Variants in ATP8A2 observed in about 807,000 individuals in gnomAD.
ATP8A2 encodes phospholipid-transporting ATPase IB.
A neutral mutation model predicts 165.6 loss-of-function variants in ATP8A2; 100 were observed. The ratio of observed to expected loss-of-function variants is 0.60; its 90% CI spans 0.51 to 0.71. The LOEUF is 0.71. Among genes scored for constraint, ATP8A2 ranks in the 30% least tolerant of loss-of-function variants. The pLI, the probability that ATP8A2 is intolerant of heterozygous loss-of-function variation, is 0.00. For missense variants in ATP8A2, 1,227 were observed against 1,479.5 expected, an observed-to-expected ratio of 0.83 and a Z score of 2.80; for synonymous variants, 543 against 548.8, an observed-to-expected ratio of 0.99 and a Z score of 0.15.
At chr13:25,545,698 G>A (rs147728858) in intron 10 of ATP8A2, among the ~76,000 whole-genome samples, 326 of 152,120 alleles carry the variant, frequency 2.1e-3, no homozygotes, top group South Asian at 0.012. Flanking sequence ...GTGGTGGCGC[G>A]ATCTTGGCTC....
At chr13:25,756,881 C>T (rs1220678224) in intron 25 of ATP8A2, among the ~76,000 whole-genome samples, 10 of 152,186 alleles carry the variant, frequency 6.6e-5, no homozygotes, top group Admixed American at 6.5e-4. Flanking sequence ...AAATCCTCCT[C>T]ATTGGTCTCT....
At chr13:25,954,283 A>G (rs1955462613) in intron 33 of ATP8A2, among the ~76,000 whole-genome samples, 1 of 152,308 alleles carries the variant, frequency 6.6e-6, no homozygotes, top group Admixed American at 6.5e-5. Context: ...CTGCAAAGCC[A>G]CAGTAGCCAG....
At chr13:25,608,691 C>A (rs369505885) in intron 24 of ATP8A2, among the ~76,000 whole-genome samples, 2 of 152,310 alleles carry the variant, frequency 1.3e-5, no homozygotes, top group East Asian at 3.9e-4. Context: ...AAACACACAT[C>A]ACACAGACAA....
At chr13:25,641,179 C>G (rs2041510517) in intron 24 of ATP8A2, among the ~76,000 whole-genome samples, 1 of 152,168 alleles carries the variant, frequency 6.6e-6, no homozygotes, top group Non-Finnish European at 1.5e-5. Context: ...GAAGCATTCC[C>G]TTTGAAAACT....
At chr13:26,013,708 G>A (rs1197652915) in intron 36 of ATP8A2, among the ~76,000 whole-genome samples, 1 of 151,902 alleles carries the variant, frequency 6.6e-6, no homozygotes, top group East Asian at 1.9e-4. Context: ...GAAAGAGACA[G>A]ATTTATGAAC....
At chr13:25,528,823 C>CGTATGCAACATGTGTATGCAT (rs2037932185) in intron 2 of ATP8A2, among the ~76,000 whole-genome samples, 1 of 66,958 alleles carries the variant, frequency 1.5e-5, no homozygotes, top group East Asian at 2.0e-4. Context: ...TGTGTATGCA[C>CGTATGCAACATGTGTATGCAT]ACATATGCAA....
chr13:25,822,703 A>G (rs1240128937), intron 27 of ATP8A2, among the ~76,000 whole-genome samples: 1 of 152,126 alleles, frequency 6.6e-6, no homozygotes, highest in African/African-American at 2.4e-5. Context: ...TATTCATTTA[A>G]TATCAGTTTT....
chr13:25,742,003 A>G (rs1233221874), intron 25 of ATP8A2, among the ~76,000 whole-genome samples: 1 of 152,194 alleles, frequency 6.6e-6, no homozygotes, highest in Non-Finnish European at 1.5e-5. Context: ...TGCATTACTT[A>G]ATGATGGGGA....
chr13:25,732,882 T>C (rs547977345), intron 25 of ATP8A2, among the ~76,000 whole-genome samples: 150 of 152,284 alleles, frequency 9.9e-4, no homozygotes, highest in Admixed American at 1.6e-3. Context: ...TTGGAAGTTA[T>C]TGAAATTTAT....
intron 25 of ATP8A2, among the ~76,000 whole-genome samples, chr13:25,738,991 CTTG>C (rs2043848239): frequency 6.6e-6 from 1 of 152,224 alleles, no homozygotes. Context: ...TCCAACTTAT[CTTG>C]TTGATGAGTG....
rs6491073 is a variant in ATP8A2 at position 25,591,622 on chromosome 13, C to T, written c.2211+1923C>T. On this transcript the variant is annotated intron_variant, in intron 24 of 36. Transcript: ENST00000381655. ...TTTTTTTGAGACGAAGTCTCACTCT[C>T]TTGCCAGGTTGGAGTGCTGTGCCAA... Among the ~76,000 whole-genome samples the T allele has an allele frequency of 1.8e-3, 256 of 145,888 alleles. 3 individuals carry two copies. The highest frequency in any genetic ancestry group is 6.4e-4 in the Non-Finnish European group (43 of 67,248).
At position 25,862,540 on chromosome 13, in the gene ATP8A2, A is replaced by G. The variant is rs1593466573; in HGVS notation, c.3183+132A>G. ...GGAGAGGCTGGTCCTTCCTGCTTCC[A>G]TCAGAATCTATCAGGAGATAAACCA... is the stretch of plus-strand genomic sequence containing the variant. On this transcript the variant is annotated intron_variant, in intron 33 of 36. Transcript: ENST00000381655. The G allele has an allele frequency of 6.1e-6, 4 of 658,702 alleles. No individual in the cohort carries two copies. The Admixed American group carries it at 8.9e-5, about 15-fold the overall frequency. The allele number at this position is 658,702 out of a possible 1,614,324, so 40.8% of individuals were successfully genotyped here.
At chr13:25,860,408 G>A in intron 31 of ATP8A2, 152 bp downstream of exon 31, 1 of 567,360 alleles carries the variant, frequency 1.8e-6, no homozygotes, top group South Asian at 2.7e-5. Context: ...CAGAATGGTT[G>A]TGAAATGCTT....
At chr13:25,879,427 A>G (rs1393757338) in intron 33 of ATP8A2, among the ~76,000 whole-genome samples, 1 of 152,248 alleles carries the variant, frequency 6.6e-6, no homozygotes, top group East Asian at 1.9e-4. Context: ...TAATAAACAG[A>G]AAAAGAATGC....
chr13:25,603,242 G>A (rs1275824714), intron 24 of ATP8A2, among the ~76,000 whole-genome samples: 1 of 151,910 alleles, frequency 6.6e-6, no homozygotes, highest in Non-Finnish European at 1.5e-5. Context: ...AATCCCAGCA[G>A]TTTGGGAGGC....
Position 25,817,358 on chromosome 13 carries a change from G to C in ATP8A2, c.2680-10760G>C, listed in dbSNP as rs867998209. Among the ~76,000 whole-genome samples, 23 of 126,140 alleles carry C rather than the reference G, an allele frequency of 1.8e-4. 1 individual carries two copies. In the South Asian group the frequency reaches 2.1e-3, roughly 12 times the overall value. The allele number at this position is 126,140 out of a possible 152,430, so 82.8% of individuals were successfully genotyped here. ...GGTATTATGGTCTTTTATGGGGGGG[G>C]GGGGAAACACGATTTTGTGTTTACC... On this transcript the variant is annotated intron_variant, in intron 27 of 36. Coordinates refer to ENST00000381655, the MANE Select transcript of ATP8A2 (RefSeq NM_016529.6).
chr13:25,904,556 C>T (rs779981669), intron 33 of ATP8A2, among the ~76,000 whole-genome samples: 55 of 152,308 alleles, frequency 3.6e-4, no homozygotes, highest in Non-Finnish European at 6.9e-4. Context: ...GTTGCTGCCT[C>T]GTGCCCTCCC....
intron 25 of ATP8A2, among the ~76,000 whole-genome samples, chr13:25,768,209 C>T (rs979899200): frequency 2.6e-5 from 4 of 152,168 alleles, no homozygotes; most frequent in African/African-American, 4.8e-5. Context: ...GTCTTTGCTT[C>T]GTGTTGCTGT....
chr13:25,565,324 G>A (rs1451815019), intron 16 of ATP8A2, among the ~76,000 whole-genome samples: 1 of 152,164 alleles, frequency 6.6e-6, no homozygotes, highest in Non-Finnish European at 1.5e-5. Flanking sequence ...CATAGTGGCT[G>A]TTCTAGTTTA....
Sources: allele counts gnomAD v4.1 joint callset (sites outside exome capture counted in the v4.1 genomes callset), GRCh38; gene constraint gnomAD v4.1.1; transcripts MANE v1.5; gene names NCBI Gene and HGNC (gene_info 2026-07-23, HGNC 2026-07-21).